The following ZBTB20 variants were observed in gnomAD, a reference collection of about 807,000 sequenced individuals.
ZBTB20 encodes zinc finger and BTB domain-containing protein 20.
In ZBTB20, 9 loss-of-function variants were observed where a neutral mutation model predicts 56.9. The observed-to-expected ratio is 0.16, with a 90% CI of 0.10 to 0.28. ZBTB20 has a LOEUF of 0.28. Ranked by LOEUF, ZBTB20 falls within the 10% of genes least tolerant of loss-of-function variation. The pLI is 1.00. For synonymous variants in ZBTB20, 417 were observed against 420.7 expected (o/e 0.99, Z 0.11); for missense variants, 655 against 1,003.0 (o/e 0.65, Z 4.69).
intron 7 of ZBTB20, among the ~76,000 whole-genome samples, chr3:114,492,597 G>A (rs1036612605): frequency 6.6e-6 from 1 of 152,092 alleles, no homozygotes; most frequent in Admixed American, 6.6e-5. Flanking sequence ...TGCCTCTTAT[G>A]TGGTCTACTG....
intron 2 of ZBTB20, among the ~76,000 whole-genome samples, chr3:115,031,751 G>A (rs189331513): frequency 6.6e-6 from 1 of 151,560 alleles, no homozygotes; most frequent in African/African-American, 2.4e-5. Flanking sequence ...ATTTTCAATT[G>A]ACATTGCACA....
intron 7 of ZBTB20, among the ~76,000 whole-genome samples, chr3:114,485,958 C>T (rs1476848611): frequency 6.6e-6 from 1 of 151,928 alleles, no homozygotes; most frequent in Non-Finnish European, 1.5e-5. Context: ...ACATTAGGTA[C>T]AAGCATTTAT....
chr3:114,794,333 T>C (rs1012700214), intron 5 of ZBTB20, among the ~76,000 whole-genome samples: 1 of 152,080 alleles, frequency 6.6e-6, no homozygotes, highest in African/African-American at 2.4e-5. Flanking sequence ...CTGCACTTAA[T>C]ATTTCTTTTT....
chr3:114,958,453 A>G (rs1312705457), intron 3 of ZBTB20, among the ~76,000 whole-genome samples: 1 of 152,202 alleles, frequency 6.6e-6, no homozygotes, highest in Non-Finnish European at 1.5e-5. Context: ...CACAAAATTA[A>G]CACTTGCACT....
chr3:114,889,946 G>A (rs1302503234), intron 4 of ZBTB20, among the ~76,000 whole-genome samples: 1 of 152,158 alleles, frequency 6.6e-6, no homozygotes. Flanking sequence ...AAGAAGAAGA[G>A]ATGTTTTTAA....
chr3:114,928,391 C>G (rs976349862), intron 3 of ZBTB20, among the ~76,000 whole-genome samples: 3 of 149,904 alleles, frequency 2.0e-5, no homozygotes, highest in Non-Finnish European at 4.5e-5. Flanking sequence ...CCTCAAGGTT[C>G]TTCAATGATG....
At chr3:114,533,945 T>C (rs1371437905) in intron 6 of ZBTB20, among the ~76,000 whole-genome samples, 1 of 151,990 alleles carries the variant, frequency 6.6e-6, no homozygotes, top group Non-Finnish European at 1.5e-5. Flanking sequence ...TGCTGAGAGA[T>C]TTTGTCACCA....
chr3:114,870,287 T>G (rs1245898111), intron 4 of ZBTB20, among the ~76,000 whole-genome samples: 2 of 151,908 alleles, frequency 1.3e-5, no homozygotes, highest in Admixed American at 1.3e-4. Context: ...AAATTTGTCA[T>G]AGTTAATATG....
rs2079007936 is a variant in ZBTB20 at position 114,324,738 on chromosome 3, G to A, written c.*14267C>T. ...CATTCATAGTAGGATTTCTTAAGGA[G>A]CTTACTTCTTTCTAAAGATTAGTCT... On this transcript the variant is annotated 3_prime_UTR_variant, in exon 12 of 12. Coordinates refer to ENST00000675478, the MANE Select transcript of ZBTB20 (RefSeq NM_001348800.3). The A allele has an allele frequency of 6.6e-6, 1 of 152,180 alleles. No homozygotes were observed. The highest frequency in any genetic ancestry group is 6.5e-5 in the Admixed American group (1 of 15,270). The allele number at this position is 152,180 out of a possible 1,614,324, so 9.4% of individuals were successfully genotyped here.
intron 4 of ZBTB20, among the ~76,000 whole-genome samples, chr3:114,805,433 C>A (rs1272293623): frequency 6.6e-6 from 1 of 151,690 alleles, no homozygotes; most frequent in Non-Finnish European, 1.5e-5. Context: ...TTTGATTTGT[C>A]CAATCCCGTA....
At chr3:114,807,822 T>A (rs868799783) in intron 4 of ZBTB20, among the ~76,000 whole-genome samples, 12 of 152,258 alleles carry the variant, frequency 7.9e-5, no homozygotes, top group African/African-American at 2.9e-4. Context: ...TAAGTGAAAC[T>A]CACATTCCTG....
intron 6 of ZBTB20, among the ~76,000 whole-genome samples, chr3:114,514,472 CAG>C (rs1296132078): frequency 1.3e-5 from 2 of 152,118 alleles, no homozygotes; most frequent in East Asian, 1.9e-4. Flanking sequence ...TTACGAATAC[CAG>C]AGAGAGACAC....
At chr3:114,567,482 T>C (rs1257920993) in intron 6 of ZBTB20, among the ~76,000 whole-genome samples, 2 of 152,194 alleles carry the variant, frequency 1.3e-5, no homozygotes, top group Non-Finnish European at 2.9e-5. Flanking sequence ...TTGGGGGAAG[T>C]TGAGATTACT....
intron 5 of ZBTB20, among the ~76,000 whole-genome samples, chr3:114,715,406 C>T (rs1415180452): frequency 6.6e-6 from 1 of 152,188 alleles, no homozygotes; most frequent in Non-Finnish European, 1.5e-5. Context: ...TATGTGCACG[C>T]TCCTTCACAG....
chr3:114,752,420 C>T (rs1005327795), intron 5 of ZBTB20, among the ~76,000 whole-genome samples: 1 of 152,156 alleles, frequency 6.6e-6, no homozygotes, highest in Non-Finnish European at 1.5e-5. Flanking sequence ...GCTATTCACA[C>T]TATCTGCCAA....
intron 3 of ZBTB20, among the ~76,000 whole-genome samples, chr3:114,921,180 T>G (rs749294652): frequency 1.3e-5 from 2 of 152,190 alleles, no homozygotes; most frequent in Non-Finnish European, 2.9e-5. Context: ...TGCAGTGCAA[T>G]GGTGTGACCT....
At chr3:114,946,987 C>A (rs950668792) in intron 3 of ZBTB20, among the ~76,000 whole-genome samples, 1 of 144,482 alleles carries the variant, frequency 6.9e-6, no homozygotes, top group Non-Finnish European at 1.5e-5. Context: ...CCTATCAAAA[C>A]GTGGGCAAAA....
chr3:114,762,648 T>C (rs916132463), intron 5 of ZBTB20, among the ~76,000 whole-genome samples: 3 of 152,154 alleles, frequency 2.0e-5, no homozygotes, highest in South Asian at 2.1e-4. Context: ...ATATTTTGTA[T>C]GGGAAAACCA....
In ZBTB20 at chr3:114,329,573, G is replaced by C. The variant is rs2079169539; in HGVS notation, c.*9432C>G. ...ACTTTAACAGGTAAATGGAGATCCT[G>C]AGGGCTGGATACCCAAGAGCCACCA... is the stretch of plus-strand genomic sequence containing the variant. On this transcript the variant is annotated 3_prime_UTR_variant, in exon 12 of 12. Transcript: ENST00000675478. 1 of 152,048 alleles carries C rather than the reference G, an allele frequency of 6.6e-6. No individual in the cohort carries two copies. The highest frequency in any genetic ancestry group is 1.5e-5 in the Non-Finnish European group (1 of 68,004). The allele number at this position is 152,048 out of a possible 1,614,324, so 9.4% of individuals were successfully genotyped here.
Sources: allele counts gnomAD v4.1 joint callset (sites outside exome capture counted in the v4.1 genomes callset), GRCh38; gene constraint gnomAD v4.1.1; transcripts MANE v1.5; gene names NCBI Gene and HGNC (gene_info 2026-07-23, HGNC 2026-07-21).